Variants in AGBL4 observed in about 807,000 individuals in gnomAD.
AGBL4 encodes the protein AGBL carboxypeptidase 4, also known as cytosolic carboxypeptidase 6.
A neutral mutation model predicts 66.4 loss-of-function variants in AGBL4; 58 were observed. That is an observed-to-expected ratio of 0.87 (90% CI 0.71 to 1.09). The LOEUF is 1.09. AGBL4 is among the 50% of genes least tolerant of loss of function. AGBL4 has a pLI of 0.00. For missense variants in AGBL4, 579 were observed against 631.0 expected (o/e 0.92, Z 0.88); for synonymous variants, 234 against 222.9 (o/e 1.05, Z -0.44).
chr1:48,606,540 A>G (rs895110354), intron 9 of AGBL4, among the ~76,000 whole-genome samples: 2 of 152,206 alleles, frequency 1.3e-5, no homozygotes, highest in African/African-American at 4.8e-5. Flanking sequence ...GACACTTTGG[A>G]GAAATCACCT....
intron 1 of AGBL4, among the ~76,000 whole-genome samples, chr1:49,913,051 G>A (rs982250368): frequency 6.6e-6 from 1 of 152,130 alleles, no homozygotes; most frequent in Non-Finnish European, 1.5e-5. Flanking sequence ...TCATCTGCTG[G>A]CACCCCAAAT....
At chr1:49,703,912 G>C (rs1045778051) in intron 2 of AGBL4, among the ~76,000 whole-genome samples, 1 of 151,940 alleles carries the variant, frequency 6.6e-6, no homozygotes, top group Non-Finnish European at 1.5e-5. Flanking sequence ...AATAACTGCA[G>C]TAGCAACAAG....
At chr1:49,329,614 C>T (rs1011849160) in intron 3 of AGBL4, among the ~76,000 whole-genome samples, 88 of 151,982 alleles carry the variant, frequency 5.8e-4, no homozygotes, top group Admixed American at 1.3e-4. Flanking sequence ...TGCAGTGAGT[C>T]GAGATTGCAC....
chr1:49,906,507 C>T (rs1398962865), intron 1 of AGBL4, among the ~76,000 whole-genome samples: 1 of 152,062 alleles, frequency 6.6e-6, no homozygotes, highest in East Asian at 1.9e-4. Flanking sequence ...ATCACCCAAT[C>T]CAATTGTCTT....
intron 3 of AGBL4, among the ~76,000 whole-genome samples, chr1:49,516,507 A>G (rs1479818491): frequency 6.6e-6 from 1 of 152,114 alleles, no homozygotes; most frequent in Non-Finnish European, 1.5e-5. Context: ...GCTGTGGGAT[A>G]ACATTTGAGG....
chr1:49,082,279 C>T (rs1644822652), intron 4 of AGBL4, among the ~76,000 whole-genome samples: 1 of 152,148 alleles, frequency 6.6e-6, no homozygotes, highest in African/African-American at 2.4e-5. Context: ...CTCAGGCTTT[C>T]ATTTTGCTGA....
chr1:48,625,140 C>A (rs1248554263), intron 9 of AGBL4, among the ~76,000 whole-genome samples: 1 of 113,504 alleles, frequency 8.8e-6, no homozygotes, highest in Non-Finnish European at 1.9e-5. Flanking sequence ...TTCCTTCCTT[C>A]CTTTCTCTTT....
intron 6 of AGBL4, among the ~76,000 whole-genome samples, chr1:48,768,251 T>C (rs1183065287): frequency 1.3e-5 from 2 of 152,152 alleles, no homozygotes; most frequent in Non-Finnish European, 2.9e-5. Context: ...CCTAAGAGAA[T>C]ACTGTGATGA....
chr1:48,714,594 C>A (rs1218327517), intron 6 of AGBL4, among the ~76,000 whole-genome samples: 1 of 152,232 alleles, frequency 6.6e-6, no homozygotes, highest in Admixed American at 6.5e-5. Flanking sequence ...TCCAGTCTCA[C>A]CCCTTCCCAT....
intron 2 of AGBL4, among the ~76,000 whole-genome samples, chr1:49,819,723 T>C (rs115359083): frequency 1.2e-4 from 18 of 152,304 alleles, no homozygotes; most frequent in African/African-American, 4.3e-4. Flanking sequence ...ATACGCTCTA[T>C]TCTCTAGGCT....
intron 1 of AGBL4, among the ~76,000 whole-genome samples, chr1:49,898,524 A>G (rs944753844): frequency 2.6e-5 from 4 of 152,296 alleles, no homozygotes; most frequent in Admixed American, 6.5e-5. Flanking sequence ...GGGAATGTAA[A>G]TTAGTACAAC....
chr1:49,196,291 T>C (rs1186588776), intron 4 of AGBL4, among the ~76,000 whole-genome samples: 1 of 152,196 alleles, frequency 6.6e-6, no homozygotes, highest in African/African-American at 2.4e-5. Flanking sequence ...TTGAGAGTCT[T>C]TCTTCTGTTT....
intron 3 of AGBL4, among the ~76,000 whole-genome samples, chr1:49,455,075 A>G (rs1031942301): frequency 1.5e-4 from 23 of 151,726 alleles, no homozygotes; most frequent in Admixed American, 1.5e-3. Flanking sequence ...AAAGGTGGTT[A>G]CAAACACAGG....
At chr1:49,363,072 A>T (rs903801615) in intron 3 of AGBL4, among the ~76,000 whole-genome samples, 1 of 152,226 alleles carries the variant, frequency 6.6e-6, no homozygotes, top group Non-Finnish European at 1.5e-5. Context: ...AAGCCATAGC[A>T]TATAGATGGT....
intron 6 of AGBL4, among the ~76,000 whole-genome samples, chr1:48,681,718 G>A (rs145983793): frequency 1.9e-4 from 29 of 152,330 alleles, no homozygotes; most frequent in Admixed American, 7.2e-4. Context: ...ACCCGGTCCA[G>A]GGACAGGGGC....
intron 3 of AGBL4, among the ~76,000 whole-genome samples, chr1:49,450,482 C>A (rs1646255009): frequency 6.6e-6 from 1 of 151,978 alleles, no homozygotes; most frequent in Non-Finnish European, 1.5e-5. Flanking sequence ...CTATAGTTCC[C>A]ATAGTTGGAG....
chr1:49,556,325 A>G lies in AGBL4; in HGVS notation c.282+140988T>C, dbSNP rs370503158. Among the ~76,000 whole-genome samples the G allele has an allele frequency of 3.4e-4, 51 of 152,162 alleles. 1 individual carries two copies. The South Asian group carries it at 9.4e-3, about 28-fold the overall frequency. ...GTTCTCACTCATAGGTGGGAATTGA[A>G]TAAGGAACACTTGGACACAGGAAGG... On this transcript the variant is annotated intron_variant, in intron 3 of 13. Coordinates refer to ENST00000371839, the MANE Select transcript of AGBL4 (RefSeq NM_032785.4).
intron 5 of AGBL4, among the ~76,000 whole-genome samples, chr1:49,035,074 A>G (rs770172246): frequency 6.6e-6 from 1 of 152,276 alleles, no homozygotes; most frequent in South Asian, 2.1e-4. Context: ...GGTATTCTGA[A>G]GAATCCTGGA....
chr1:49,424,236 T>A (rs1017282551), intron 3 of AGBL4, among the ~76,000 whole-genome samples: 1 of 152,194 alleles, frequency 6.6e-6, no homozygotes, highest in Non-Finnish European at 1.5e-5. Context: ...TGTCTATGCT[T>A]ATGACGAAAC....
Sources: gnomAD v4.1 joint callset for allele counts (sites outside exome capture counted in the v4.1 genomes callset) on GRCh38, gnomAD v4.1.1 for gene constraint, MANE v1.5 for transcripts, NCBI Gene and HGNC (gene_info 2026-07-23, HGNC 2026-07-21) for gene names.